WDR64: variants seen among roughly 807,000 people sequenced by gnomAD.
The protein encoded by WDR64 is WD repeat-containing protein 64.
Under a neutral mutation model 139.3 loss-of-function variants are expected in WDR64, and 112 were observed. That is an observed-to-expected ratio of 0.80 (90% CI 0.69 to 0.94). The LOEUF is 0.94. Among genes scored for constraint, WDR64 ranks in the 40% least tolerant of loss-of-function variants. The pLI, the probability that WDR64 is intolerant of heterozygous loss-of-function variation, is 0.00. For synonymous variants in WDR64, 444 were observed against 437.7 expected, an observed-to-expected ratio of 1.01 and a Z score of -0.18; for missense variants, 1,206 against 1,293.1, an observed-to-expected ratio of 0.93 and a Z score of 1.03.
In WDR64 at chr1:241,713,224, T is replaced by C. The variant is rs182722383; in HGVS notation, c.1054+1343T>C. On this transcript the variant is annotated intron_variant, in intron 9 of 27. Transcript: ENST00000437684. ...TACTAGAGAGGCTGAGGTGTGAGTA[T>C]TGCTGGAACCCAGGATGTTGAGGCT... Among the ~76,000 whole-genome samples the C allele has an allele frequency of 1.8e-4, 28 of 151,768 alleles. No individual in the cohort carries two copies. In the East Asian group the frequency reaches 5.3e-3, roughly 29 times the overall value.
intron 25 of WDR64, 133 bp downstream of exon 25, chr1:241,790,829 C>T: frequency 1.4e-6 from 1 of 727,966 alleles, no homozygotes; most frequent in Non-Finnish European, 2.2e-6. Context: ...TTACTATAAA[C>T]TTGGTGGCTT....
At position 241,749,660 on chromosome 1, in the gene WDR64, C is replaced by T; in HGVS notation, c.1708C>T (p.Gln570Ter). The T allele has an allele frequency of 6.2e-7, 1 of 1,614,112 alleles. No individual in the cohort carries two copies. The highest frequency in any genetic ancestry group is 1.3e-5 in the African/African-American group (1 of 75,026). ...ACGACGCCTCATTTTCCTCAAAGCCCAAGAAAAACACCAGCAGCTGGTCCT... is the reference window on the plus strand; with the variant it reads ...ACGACGCCTCATTTTCCTCAAAGCCTAAGAAAAACACCAGCAGCTGGTCCT... ...CLRRLIFLKA[Q>*]EKHQQLVLAL... Residue 570 changes from glutamine to a stop codon, truncating the protein, a stop_gained, in exon 14 of 28, where the codon CAA becomes TAA. Transcript: ENST00000437684. LOFTEE classifies it high-confidence loss of function.
intron 4 of WDR64, among the ~76,000 whole-genome samples, chr1:241,675,223 T>TTCCTTCCTTCCTCCCTCCTTCCTCCC: frequency 1.3e-5 from 1 of 74,510 alleles, no homozygotes; most frequent in Non-Finnish European, 2.6e-5. Flanking sequence ...CCCTCCCTTC[T>TTCCTTCCTTCCTCCCTCCTTCCTCCC]TCCTTCCTCC....
At chr1:241,657,197 G>A (rs761818124) in intron 1 of WDR64, among the ~76,000 whole-genome samples, 2 of 152,030 alleles carry the variant, frequency 1.3e-5, no homozygotes, top group Non-Finnish European at 2.9e-5. Context: ...TTCCATGGCA[G>A]CCCAGGATGT....
At chr1:241,766,439 G>A (rs918047345) in intron 16 of WDR64, 88 bp downstream of exon 16, 39 of 1,443,728 alleles carry the variant, frequency 2.7e-5, no homozygotes, top group East Asian at 1.0e-4. Flanking sequence ...GGCTGGGCGC[G>A]GTGGCTCAGG....
At chr1:241,751,447 C>G (rs1370985241) in intron 14 of WDR64, among the ~76,000 whole-genome samples, 1 of 152,094 alleles carries the variant, frequency 6.6e-6, no homozygotes, top group Non-Finnish European at 1.5e-5. Flanking sequence ...AGATTCCCAG[C>G]TGCCTTAAAA....
At chr1:241,789,879 TAAATA>T (rs987738438) in intron 24 of WDR64, among the ~76,000 whole-genome samples, 3 of 151,488 alleles carry the variant, frequency 2.0e-5, no homozygotes, top group Admixed American at 6.6e-5. Flanking sequence ...CCACTGAACT[TAAATA>T]AAAGTTAAAA....
chr1:241,684,537 A>T (rs1195582101), intron 7 of WDR64, among the ~76,000 whole-genome samples: 1 of 152,214 alleles, frequency 6.6e-6, no homozygotes, highest in Non-Finnish European at 1.5e-5. Flanking sequence ...TTAAAATCAG[A>T]TACAATTTTT....
intron 8 of WDR64, among the ~76,000 whole-genome samples, 181 bp downstream of exon 8, chr1:241,687,776 T>G (rs142340496): frequency 8.7e-4 from 132 of 152,330 alleles, no homozygotes; most frequent in African/African-American, 3.0e-3. Context: ...TTATGCAAAT[T>G]TGAACATGAC....
intron 10 of WDR64, among the ~76,000 whole-genome samples, chr1:241,734,475 A>T (rs1031640308): frequency 2.0e-5 from 3 of 152,230 alleles, no homozygotes; most frequent in Non-Finnish European, 2.9e-5. Context: ...ACACCTAAGA[A>T]TAAAGTAAAT....
chr1:241,788,169 G>C (rs1464163301), intron 24 of WDR64, 135 bp downstream of exon 24: 2 of 695,616 alleles, frequency 2.9e-6, no homozygotes, highest in Admixed American at 7.5e-5. Context: ...CAGTGGAAGG[G>C]AAATGTATGT....
At position 241,688,347 on chromosome 1, in the gene WDR64, G is replaced by A. The variant is rs77192220; in HGVS notation, c.974+752G>A. ...GATGAAAATGTTCTAAACTTATTGT[G>A]GCGACTGTTGATTGTTACACAATTC... On this transcript the variant is annotated intron_variant, in intron 8 of 27. Coordinates refer to ENST00000437684, the MANE Select transcript of WDR64 (RefSeq NM_001367482.1). Among the ~76,000 whole-genome samples, 942 of 152,220 alleles carry A rather than the reference G, an allele frequency of 6.2e-3. 13 individuals carry two copies. Among genetic ancestry groups the A allele is most frequent in the African/African-American group, 0.022 (899 of 41,518 alleles).
chr1:241,738,562 G>A (rs1669415471), intron 11 of WDR64, 73 bp downstream of exon 11: 2 of 1,479,746 alleles, frequency 1.4e-6, no homozygotes, highest in Non-Finnish European at 1.8e-6. Context: ...TAGCACTTGA[G>A]CACTAACTAC....
intron 2 of WDR64, among the ~76,000 whole-genome samples, chr1:241,665,139 G>A (rs1665982131): frequency 6.6e-6 from 1 of 152,084 alleles, no homozygotes; most frequent in Admixed American, 6.5e-5. Flanking sequence ...TAAATCGTAT[G>A]CAAGTTTAAT....
chr1:241,713,259 C>T (rs1668245879), intron 9 of WDR64, among the ~76,000 whole-genome samples: 1 of 146,682 alleles, frequency 6.8e-6, no homozygotes. Context: ...TGCAGTGAGC[C>T]GTGACTGTGC....
At chr1:241,670,200 A>G (rs1434745477) in intron 2 of WDR64, among the ~76,000 whole-genome samples, 2 of 152,210 alleles carry the variant, frequency 1.3e-5, no homozygotes, top group Non-Finnish European at 2.9e-5. Context: ...TCGACAGTTT[A>G]TTCACAAATA....
rs1430943807 is a variant in WDR64, at chr1:241,674,921, CT to C, written c.483+176del. Among the ~76,000 whole-genome samples the C allele has an allele frequency of 3.1e-4, 19 of 61,840 alleles. 6 individuals are homozygous for C. The highest frequency in any genetic ancestry group is 6.8e-4 in the East Asian group (2 of 2,946). The allele number at this position is 61,840 out of a possible 152,430, so 40.6% of individuals were successfully genotyped here. A position where few individuals can be genotyped will look rare whatever the true frequency, so the allele number is the denominator to read the frequency against. On this transcript the variant is annotated intron_variant, in intron 4 of 27. Transcript: ENST00000437684. ...TTTCCTTCCTCTTATTCCTTCCTTC[CT>C]TCTTTCCTTCCTCCCTCCCTCCTTC...
intron 10 of WDR64, among the ~76,000 whole-genome samples, chr1:241,729,100 T>G (rs886444892): frequency 2.6e-5 from 4 of 152,232 alleles, no homozygotes; most frequent in African/African-American, 4.8e-5. Context: ...TGGTATCATT[T>G]GTTTCCCAGA....
At chr1:241,772,732 G>T in intron 19 of WDR64, 60 bp from the exon 20 acceptor site, 3 of 1,519,290 alleles carry the variant, frequency 2.0e-6, no homozygotes, top group Non-Finnish European at 2.7e-6. Context: ...CAAAGTGCTG[G>T]GATTACAGGT....
Sources: gnomAD v4.1 joint callset for allele counts (sites outside exome capture counted in the v4.1 genomes callset) on GRCh38, gnomAD v4.1.1 for gene constraint, MANE v1.5 for transcripts, NCBI Gene and HGNC (gene_info 2026-07-23, HGNC 2026-07-21) for gene names.